Variants in ST6GALNAC3 observed in about 807,000 individuals in gnomAD.
The protein encoded by ST6GALNAC3 is ST6 N-acetylgalactosaminide alpha-2,6-sialyltransferase 3.
Under a neutral mutation model 32.7 loss-of-function variants are expected in ST6GALNAC3, and 25 were observed. The observed-to-expected ratio is 0.76, with a 90% CI of 0.56 to 1.07. The LOEUF is 1.07. ST6GALNAC3 is among the 50% of genes least tolerant of loss of function. ST6GALNAC3 has a pLI of 0.00. For missense variants in ST6GALNAC3, 355 were observed against 382.4 expected, an observed-to-expected ratio of 0.93 and a Z score of 0.60; for synonymous variants, 129 against 133.1, an observed-to-expected ratio of 0.97 and a Z score of 0.21.
intron 1 of ST6GALNAC3, among the ~76,000 whole-genome samples, chr1:76,082,693 C>T (rs1335804060): frequency 3.3e-5 from 5 of 152,104 alleles, no homozygotes; most frequent in Non-Finnish European, 7.4e-5. Context: ...GGGTAGGTGA[C>T]ATTCTTTGAG....
chr1:76,346,624 A>T (rs532372572), intron 2 of ST6GALNAC3, among the ~76,000 whole-genome samples: 10 of 152,258 alleles, frequency 6.6e-5, no homozygotes, highest in African/African-American at 1.9e-4. Context: ...GCAGTGGGGT[A>T]TGGTGTGTGG....
chr1:76,458,760 G>A (rs1159934719), intron 3 of ST6GALNAC3, among the ~76,000 whole-genome samples: 1 of 150,234 alleles, frequency 6.7e-6, no homozygotes, highest in Non-Finnish European at 1.5e-5. Flanking sequence ...GGGAGGGATA[G>A]CATTGGGAGA....
intron 3 of ST6GALNAC3, among the ~76,000 whole-genome samples, chr1:76,493,245 T>C (rs1016454406): frequency 6.6e-6 from 1 of 152,078 alleles, no homozygotes; most frequent in Non-Finnish European, 1.5e-5. Flanking sequence ...GATGCTGCCA[T>C]ATAGAGTTGG....
At chr1:76,532,424 T>C (rs1399907612) in intron 3 of ST6GALNAC3, among the ~76,000 whole-genome samples, 1 of 152,122 alleles carries the variant, frequency 6.6e-6, no homozygotes, top group Non-Finnish European at 1.5e-5. Flanking sequence ...GGCAGCTTGG[T>C]CGGAGTGAGA....
At position 76,578,686 on chromosome 1, in the gene ST6GALNAC3, G is replaced by A. The variant is rs56040765; in HGVS notation, c.624-48766G>A. On this transcript the variant is annotated intron_variant, in intron 3 of 4. Transcript: ENST00000328299. ...GTGTAGAATTCCCTTAATCTTTTAG[G>A]CACAGCATCTGTATGCTCATTCACA... Among the ~76,000 whole-genome samples the A allele has an allele frequency of 4.9e-3, 739 of 151,950 alleles. 1 individual carries two copies. Among genetic ancestry groups the A allele is most frequent in the Non-Finnish European group, 8.1e-3 (551 of 67,936 alleles).
chr1:76,596,648 A>G (rs1275845739), intron 3 of ST6GALNAC3, among the ~76,000 whole-genome samples: 2 of 152,192 alleles, frequency 1.3e-5, no homozygotes, highest in Non-Finnish European at 2.9e-5. Context: ...AGCAACATAT[A>G]TTGAGGTAGG....
Position 76,507,097 on chromosome 1 carries a change from A to G in ST6GALNAC3, c.623+94680A>G, listed in dbSNP as rs141288793. ...CTAGTCCAGAGCTATATCGCTCAGG[A>G]GCTGCTGCTAGCTTCAATCCTGTTG... is the stretch of plus-strand genomic sequence containing the variant. On this transcript the variant is annotated intron_variant, in intron 3 of 4. Transcript: ENST00000328299. Among the ~76,000 whole-genome samples, 566 of 152,252 alleles carry G rather than the reference A, an allele frequency of 3.7e-3. 2 individuals are homozygous for G. Among genetic ancestry groups the G allele is most frequent in the Non-Finnish European group, 3.0e-3 (207 of 68,030 alleles).
At chr1:76,199,762 C>T (rs1479204601) in intron 1 of ST6GALNAC3, among the ~76,000 whole-genome samples, 2 of 152,190 alleles carry the variant, frequency 1.3e-5, no homozygotes, top group African/African-American at 4.8e-5. Context: ...TTTCAATGCT[C>T]TTTTAATTAA....
intron 2 of ST6GALNAC3, among the ~76,000 whole-genome samples, chr1:76,325,673 A>C (rs973708956): frequency 1.3e-5 from 2 of 150,060 alleles, no homozygotes; most frequent in African/African-American, 4.9e-5. Context: ...AATGGTAGAC[A>C]TGCTGAAAAT....
rs554127263 is a variant in ST6GALNAC3 at position 76,536,316 on chromosome 1, G to A, written c.624-91136G>A. ...TGCTATGAAGAAATACCTGAGGCTG[G>A]GTAATTTATAAAGGAAAGAGATTTA... On this transcript the variant is annotated intron_variant, in intron 3 of 4. Transcript: ENST00000328299. Among the ~76,000 whole-genome samples the A allele has an allele frequency of 2.0e-5, 3 of 152,192 alleles. No homozygotes were observed. In the South Asian group the frequency reaches 6.2e-4, roughly 32 times the overall value.
At chr1:76,403,457 T>C (rs2101230046) in intron 2 of ST6GALNAC3, among the ~76,000 whole-genome samples, 1 of 152,262 alleles carries the variant, frequency 6.6e-6, no homozygotes, top group East Asian at 1.9e-4. Context: ...TCAAACATTA[T>C]GGTCTCCTCT....
chr1:76,591,962 A>G (rs190821679), intron 3 of ST6GALNAC3, among the ~76,000 whole-genome samples: 3 of 152,332 alleles, frequency 2.0e-5, no homozygotes, highest in Non-Finnish European at 2.9e-5. Context: ...TTCTGAGTGG[A>G]TCAAACATAG....
chr1:76,441,462 G>A (rs921908866), intron 3 of ST6GALNAC3, among the ~76,000 whole-genome samples: 4 of 152,100 alleles, frequency 2.6e-5, no homozygotes, highest in Admixed American at 2.0e-4. Context: ...CTCCAACCCA[G>A]ATCTGATTTT....
intron 3 of ST6GALNAC3, among the ~76,000 whole-genome samples, chr1:76,443,251 T>G (rs530869815): frequency 6.6e-6 from 1 of 152,198 alleles, no homozygotes; most frequent in Non-Finnish European, 1.5e-5. Context: ...TCTCTTTAGC[T>G]TAAGCCACCC....
chr1:76,451,401 C>T (rs1435343572), intron 3 of ST6GALNAC3, among the ~76,000 whole-genome samples: 2 of 152,314 alleles, frequency 1.3e-5, no homozygotes, highest in East Asian at 3.9e-4. Flanking sequence ...GACTTACTCA[C>T]TAACACAAGA....
At chr1:76,104,489 C>T (rs1222497796) in intron 1 of ST6GALNAC3, among the ~76,000 whole-genome samples, 1 of 152,114 alleles carries the variant, frequency 6.6e-6, no homozygotes, top group Admixed American at 6.5e-5. Flanking sequence ...CCATCCTTAG[C>T]AGGACTTAAA....
chr1:76,148,611 A>G (rs1650844399), intron 1 of ST6GALNAC3, among the ~76,000 whole-genome samples: 1 of 152,130 alleles, frequency 6.6e-6, no homozygotes, highest in African/African-American at 2.4e-5. Context: ...TTTTTTGCAA[A>G]GTACAGACCT....
chr1:76,130,097 T>TC (rs1649514146), intron 1 of ST6GALNAC3, among the ~76,000 whole-genome samples: 1 of 152,196 alleles, frequency 6.6e-6, no homozygotes, highest in Non-Finnish European at 1.5e-5. Flanking sequence ...CCTTAGGAAT[T>TC]CCCCTTGTGT....
intron 3 of ST6GALNAC3, among the ~76,000 whole-genome samples, chr1:76,450,202 G>A (rs936102705): frequency 6.6e-6 from 1 of 152,088 alleles, no homozygotes; most frequent in Non-Finnish European, 1.5e-5. Context: ...CAGTGTAGAA[G>A]TGTTCCCTTT....
Sources: allele counts gnomAD v4.1 joint callset (sites outside exome capture counted in the v4.1 genomes callset), GRCh38; gene constraint gnomAD v4.1.1; transcripts MANE v1.5; gene names NCBI Gene and HGNC (gene_info 2026-07-23, HGNC 2026-07-21).